Variants in UNC5A observed in about 807,000 individuals in gnomAD.
UNC5A encodes unc-5 netrin receptor A, also known as netrin receptor UNC5A.
Under a neutral mutation model 87.4 loss-of-function variants are expected in UNC5A, and 20 were observed. That is an observed-to-expected ratio of 0.23 (90% CI 0.16 to 0.33). UNC5A has a LOEUF of 0.33. Among genes scored for constraint, UNC5A ranks in the 10% least tolerant of loss-of-function variants. The pLI is 1.00. For synonymous variants in UNC5A, 438 were observed against 482.3 expected (o/e 0.91, Z 1.20); for missense variants, 844 against 1,133.4 (o/e 0.74, Z 3.67).
chr5:176,810,800 C>T lies in UNC5A; in HGVS notation c.50C>T (p.Ala17Val). The change falls in exon 1 of 15, where the codon GCC (alanine) becomes GTC (valine). Residue 17 changes from alanine to valine, a missense_variant. Physicochemically the swap from Ala to Val is moderately conservative, Grantham distance 64. Coordinates refer to ENST00000329542, the MANE Select transcript of UNC5A (RefSeq NM_133369.3). The surrounding 1 kb of genome is among the most constrained non-coding windows in gnomAD (Gnocchi z 7.3). Reference protein sequence around the residue: ...LWPALLGIVLAAWLRGSGAQQ... With the variant: ...LWPALLGIVLVAWLRGSGAQQ... Reference sequence around the variant, plus strand: ...CCAGCGCTCCTGGGCATAGTCCTCGCCGCTTGGCTCCGCGGCTCGGGTGAG... The same window carrying T: ...CCAGCGCTCCTGGGCATAGTCCTCGTCGCTTGGCTCCGCGGCTCGGGTGAG... 8.2e-7 allele frequency: 1 copy of T among 1,220,596 alleles called. No homozygotes were observed. The highest frequency in any genetic ancestry group is 1.0e-6 in the Non-Finnish European group (1 of 980,864). 75.6% of individuals were successfully genotyped at this position (1,220,596 alleles called of 1,614,324 possible).
At chr5:176,831,881 CTCTCTTTTTT>C (rs1220921184) in intron 1 of UNC5A, among the ~76,000 whole-genome samples, 4 of 31,242 alleles carry the variant, frequency 1.3e-4, no homozygotes, top group African/African-American at 1.9e-4. Context: ...CACTTTCTCT[CTCTCTTTTTT>C]TTTTTTTTTT....
In UNC5A at chr5:176,837,049, G is replaced by A. The variant is rs111875144; in HGVS notation, c.71-25575G>A. ...CTGCATTTAGGAACAACTTGTCCCT[G>A]TCTGACGAGGGTGCCTTCCCTCTCA... On this transcript the variant is annotated intron_variant, in intron 1 of 14. Transcript: ENST00000329542. Among the ~76,000 whole-genome samples, 1,299 of 152,298 alleles carry A rather than the reference G, an allele frequency of 8.5e-3. 20 individuals are homozygous for A. Among genetic ancestry groups the A allele is most frequent in the African/African-American group, 0.027 (1,107 of 41,556 alleles).
chr5:176,867,901 C>T (rs1214453975), intron 2 of UNC5A, among the ~76,000 whole-genome samples: 6 of 151,870 alleles, frequency 4.0e-5, no homozygotes, highest in Non-Finnish European at 7.4e-5. Flanking sequence ...CCTGCCTGCC[C>T]GGGGCCTTCA....
intron 1 of UNC5A, among the ~76,000 whole-genome samples, chr5:176,830,459 C>T (rs116228408): frequency 0.027 from 2,996 of 109,378 alleles, 96 homozygotes; most frequent in African/African-American, 0.097. Context: ...GTGTGTTGTG[C>T]GTGTGTGTGT....
intron 1 of UNC5A, among the ~76,000 whole-genome samples, chr5:176,817,631 T>C (rs970798811): frequency 1.7e-5 from 2 of 116,430 alleles, no homozygotes; most frequent in Non-Finnish European, 3.5e-5. Flanking sequence ...CAGCCCCTCC[T>C]CAGCGCGTGT....
chr5:176,861,332 G>T (rs1757832228), intron 1 of UNC5A, among the ~76,000 whole-genome samples: 1 of 152,244 alleles, frequency 6.6e-6, no homozygotes, highest in Non-Finnish European at 1.5e-5. Flanking sequence ...TGAGGAAACA[G>T]GTTCAGGATG....
intron 1 of UNC5A, among the ~76,000 whole-genome samples, chr5:176,817,281 G>C (rs1238853748): frequency 1.3e-5 from 2 of 152,100 alleles, no homozygotes; most frequent in East Asian, 1.9e-4. Context: ...GAGATGGGGA[G>C]GGGGTGGGGG....
intron 6 of UNC5A, among the ~76,000 whole-genome samples, chr5:176,873,113 C>T (rs1403182110): frequency 2.7e-5 from 4 of 148,686 alleles, no homozygotes; most frequent in Non-Finnish European, 5.9e-5. Flanking sequence ...CACAGCTTCC[C>T]ATCTGCCCAC....
rs1581280944 is a variant in UNC5A at position 176,877,407 on chromosome 5, C to G, written c.1466+128C>G. On this transcript the variant is annotated intron_variant, in intron 9 of 14. Transcript: ENST00000329542. Reference sequence around the variant, plus strand: ...GGCGGGGGAAAGAGCTATGCCTAAGCCCCACGTGGTCCTGCAGCCCAAGCC... The same window carrying G: ...GGCGGGGGAAAGAGCTATGCCTAAGGCCCACGTGGTCCTGCAGCCCAAGCC... The G allele has an allele frequency of 2.9e-5, 39 of 1,333,748 alleles. No individual in the cohort carries two copies. In the East Asian group the frequency reaches 9.4e-4, roughly 32 times the overall value. 82.6% of individuals were successfully genotyped at this position (1,333,748 alleles called of 1,614,324 possible).
intron 1 of UNC5A, among the ~76,000 whole-genome samples, chr5:176,840,556 T>C (rs1399881536): frequency 6.6e-6 from 1 of 152,210 alleles, no homozygotes; most frequent in Non-Finnish European, 1.5e-5. Flanking sequence ...CCTCACCCTG[T>C]CTAGGATCCA....
rs993868966 is a variant in UNC5A at position 176,841,920 on chromosome 5, G to A, written c.71-20704G>A. On this transcript the variant is annotated intron_variant, in intron 1 of 14. Coordinates refer to ENST00000329542, the MANE Select transcript of UNC5A (RefSeq NM_133369.3). This position sits in a 1 kb window ranked among gnomAD's most constrained non-coding sequence, Gnocchi z 4.1. ...TGGCCATAATCAAAAAATCAAGGCC[G>A]GGTGCGGTGGCTCACGCCGGTAATC... Among the ~76,000 whole-genome samples the A allele has an allele frequency of 4.6e-5, 7 of 152,356 alleles. No individual in the cohort carries two copies. In the East Asian group the frequency reaches 1.3e-3, roughly 29 times the overall value.
rs1252620920 is a variant in UNC5A at position 176,819,556 on chromosome 5, C to A, written c.70+8736C>A. 2.6e-5 allele frequency among the ~76,000 whole-genome samples: 4 copies of A among 152,144 alleles called. No homozygotes were observed. In the East Asian group the frequency reaches 7.7e-4, roughly 29 times the overall value. Reference sequence around the variant, plus strand: ...CTTCCCTCTATCCCAAGGTGGCTGCCAGGAGCTTCCGGGACTACATCCTTA... The same window carrying A: ...CTTCCCTCTATCCCAAGGTGGCTGCAAGGAGCTTCCGGGACTACATCCTTA... On this transcript the variant is annotated intron_variant, in intron 1 of 14. Transcript: ENST00000329542.
chr5:176,847,552 G>C (rs1757441721), intron 1 of UNC5A, among the ~76,000 whole-genome samples: 2 of 152,106 alleles, frequency 1.3e-5, no homozygotes, highest in Admixed American at 1.3e-4. Context: ...TAATGCCCTT[G>C]GTTTGCTGTA....
chr5:176,835,729 ATGTGTG>A (rs55990257), intron 1 of UNC5A, among the ~76,000 whole-genome samples: 14 of 145,398 alleles, frequency 9.6e-5, no homozygotes, highest in African/African-American at 2.9e-4. Flanking sequence ...TTGATAAAGG[ATGTGTG>A]TGTGTGTGTG....
rs1484218855 is a variant in UNC5A at position 176,844,044 on chromosome 5, TAC to T, written c.71-18578_71-18577del. 6.6e-6 allele frequency among the ~76,000 whole-genome samples: 1 copy of T among 152,218 alleles called. No homozygotes were observed. Among genetic ancestry groups the T allele is most frequent in the Non-Finnish European group, 1.5e-5 (1 of 68,034 alleles). On this transcript the variant is annotated intron_variant, in intron 1 of 14. Transcript: ENST00000329542. The surrounding 1 kb of genome is among the most constrained non-coding windows in gnomAD (Gnocchi z 4.2). Reference sequence around the variant, plus strand: ...TATAGGCACAGAGGAGAGGATTATTTACAGAGACAGGAGGCAGGGGACGGGGA... The same window carrying T: ...TATAGGCACAGAGGAGAGGATTATTTAGAGACAGGAGGCAGGGGACGGGGA...
rs114889423 is a variant in UNC5A at position 176,875,767 on chromosome 5, C to T, written c.1378+1201C>T. ...ACATCGTCCCGCACACGGCAGCCAC[C>T]ATGGACTCAACATCCCCGACACACG... On this transcript the variant is annotated intron_variant, in intron 8 of 14. Transcript: ENST00000329542. This position sits in a 1 kb window ranked among gnomAD's most constrained non-coding sequence, Gnocchi z 5.2. 5.7e-3 allele frequency among the ~76,000 whole-genome samples: 867 copies of T among 152,308 alleles called. 5 individuals carry two copies. The highest frequency in any genetic ancestry group is 0.018 in the African/African-American group (760 of 41,572).
At chr5:176,812,125 CCTT>C (rs1445089579) in intron 1 of UNC5A, among the ~76,000 whole-genome samples, 5 of 152,118 alleles carry the variant, frequency 3.3e-5, no homozygotes, top group African/African-American at 4.8e-5. Flanking sequence ...CAGGGCCTCT[CCTT>C]CTAATCCTGA....
chr5:176,843,563 G>A (rs1757331508), intron 1 of UNC5A, among the ~76,000 whole-genome samples: 2 of 152,240 alleles, frequency 1.3e-5, no homozygotes, highest in African/African-American at 4.8e-5. Context: ...ATTTAATGGG[G>A]ATAAACATTA....
At chr5:176,877,799 C>T (rs1758300160) in intron 10 of UNC5A, 95 bp from the exon 11 acceptor site, 1 of 1,511,684 alleles carries the variant, frequency 6.6e-7, no homozygotes, top group South Asian at 1.3e-5. Context: ...AGCCGCACCC[C>T]CACCCCTCCC....
Sources: gnomAD v4.1 joint callset for allele counts (sites outside exome capture counted in the v4.1 genomes callset) on GRCh38, gnomAD v4.1.1 for gene constraint, Gnocchi (gnomAD v3.1) non-coding constraint, MANE v1.5 for transcripts, NCBI Gene and HGNC (gene_info 2026-07-23, HGNC 2026-07-21) for gene names.